Variants in TMCO5A observed in about 807,000 individuals in gnomAD.
TMCO5A encodes transmembrane and coiled-coil domain-containing protein 5A.
A neutral mutation model predicts 42.3 loss-of-function variants in TMCO5A; 34 were observed. The observed-to-expected ratio is 0.80, with a 90% CI of 0.61 to 1.07. TMCO5A has a LOEUF of 1.07. Ranked by LOEUF, TMCO5A falls within the 50% of genes least tolerant of loss-of-function variation. The pLI, the probability that TMCO5A is intolerant of heterozygous loss-of-function variation, is 0.00. For synonymous variants in TMCO5A, 131 were observed against 115.6 expected (o/e 1.13, Z -0.86); for missense variants, 357 against 327.9 (o/e 1.09, Z -0.69).
In TMCO5A at chr15:37,938,311, T is replaced by C. The variant is rs190618599; in HGVS notation, c.387+82T>C. On this transcript the variant is annotated intron_variant, in intron 6 of 11. Transcript: ENST00000319669. ...GTTAAGTTGGAAATCAATGTCAACG[T>C]TGTGACAAATTCTTGGTAGTTTTCC... 135 of 1,199,808 alleles carry C rather than the reference T, an allele frequency of 1.1e-4. No homozygotes were observed. The African/African-American group carries it at 1.6e-3, about 14-fold the overall frequency. The allele number at this position is 1,199,808 out of a possible 1,614,324, so 74.3% of individuals were successfully genotyped here.
At chr15:37,987,344 T>TTTTACTCTGTCAATTTACTTAA in the TMCO5A span, among the ~76,000 whole-genome samples, 25 of 152,124 alleles carry the variant, frequency 1.6e-4, no homozygotes, top group African/African-American at 6.0e-4. Flanking sequence ...TGGGTTGCCT[T>TTTTACTCTGTCAATTTACTTAA]TTTACTCTGT....
chr15:37,980,723 G>C, the TMCO5A span, among the ~76,000 whole-genome samples: 1 of 150,222 alleles, frequency 6.7e-6, no homozygotes, highest in African/African-American at 2.5e-5. Context: ...GTGGAACCTG[G>C]AAGTTTGTTC....
the TMCO5A span, among the ~76,000 whole-genome samples, chr15:38,012,461 A>C: frequency 6.6e-6 from 1 of 152,096 alleles, no homozygotes; most frequent in East Asian, 1.9e-4. Context: ...TGATATTCTC[A>C]GTGCTAGTTA....
At chr15:37,939,256 G>C (rs1889644137) in intron 6 of TMCO5A, among the ~76,000 whole-genome samples, 2 of 152,022 alleles carry the variant, frequency 1.3e-5, no homozygotes, top group South Asian at 4.1e-4. Flanking sequence ...GAAAATGAAA[G>C]TATGGAGAAT....
intron 11 of TMCO5A, among the ~76,000 whole-genome samples, chr15:37,949,942 A>G (rs1187217110): frequency 6.6e-6 from 1 of 152,172 alleles, no homozygotes; most frequent in Non-Finnish European, 1.5e-5. Context: ...TATATTTCCA[A>G]GGTAACTAAC....
chr15:38,017,748 G>C, the TMCO5A span, among the ~76,000 whole-genome samples: 50 of 152,174 alleles, frequency 3.3e-4, 1 homozygote, highest in Admixed American at 5.9e-4. Context: ...GAAAAGCAAG[G>C]AGGCCTGCAG....
chr15:37,947,289 C>T (rs1889999138), intron 10 of TMCO5A, among the ~76,000 whole-genome samples: 1 of 151,888 alleles, frequency 6.6e-6, no homozygotes, highest in African/African-American at 2.4e-5. Context: ...AGCCTATAAG[C>T]TTCTCTAAGG....
the TMCO5A span, among the ~76,000 whole-genome samples, chr15:37,988,889 TATG>T: frequency 6.6e-6 from 1 of 152,062 alleles, no homozygotes; most frequent in East Asian, 1.9e-4. Context: ...ATTCCTCCTG[TATG>T]ATATTTTTCA....
intron 6 of TMCO5A, 88 bp from the exon 7 acceptor site, chr15:37,941,061 A>C (rs1210440747): frequency 3.9e-6 from 5 of 1,292,380 alleles, no homozygotes; most frequent in Non-Finnish European, 4.5e-6. Flanking sequence ...GAGGCTCCTC[A>C]CAGCTCGTGA....
At chr15:38,038,563 G>A in the TMCO5A span, among the ~76,000 whole-genome samples, 33 of 151,826 alleles carry the variant, frequency 2.2e-4, no homozygotes, top group African/African-American at 5.6e-4. Flanking sequence ...CCACCACCAC[G>A]CCCGGCTAAT....
chr15:37,951,022 C>A lies in TMCO5A; in HGVS notation c.669-14C>A, dbSNP rs369697405. The A allele has an allele frequency of 2.9e-5, 46 of 1,608,818 alleles. No individual in the cohort carries two copies. The highest frequency in any genetic ancestry group is 3.4e-5 in the Non-Finnish European group (40 of 1,178,100). On this transcript the variant is annotated splice_polypyrimidine_tract_variant and intron_variant, in intron 11 of 11. Transcript: ENST00000319669. ...AAGCTTCTGGTTAACAGTTTCATGG[C>A]ATTCTCTTTTTAGGATTTTTTGCTG...
At chr15:38,033,715 C>G in the TMCO5A span, among the ~76,000 whole-genome samples, 1 of 152,122 alleles carries the variant, frequency 6.6e-6, no homozygotes. Flanking sequence ...CAACCTCTGC[C>G]TCTTGGGTCC....
the TMCO5A span, among the ~76,000 whole-genome samples, chr15:37,981,536 G>T: frequency 6.6e-6 from 1 of 152,168 alleles, no homozygotes; most frequent in South Asian, 2.1e-4. Context: ...AACCTTTCTA[G>T]CTGGGCACAG....
At chr15:37,989,418 C>G in the TMCO5A span, among the ~76,000 whole-genome samples, 7,112 of 151,912 alleles carry the variant, frequency 0.047, 550 homozygotes, top group African/African-American at 0.16. Flanking sequence ...AGATTTTTCT[C>G]AAATATAAAT....
the TMCO5A span, among the ~76,000 whole-genome samples, chr15:37,978,216 C>G: frequency 2.0e-5 from 3 of 152,228 alleles, no homozygotes; most frequent in Non-Finnish European, 2.9e-5. Flanking sequence ...ACAGGGAAGA[C>G]AGAATGAGCT....
intron 11 of TMCO5A, 129 bp downstream of exon 11, chr15:37,947,825 A>T (rs12148646): frequency 5.0e-5 from 18 of 360,210 alleles, no homozygotes; most frequent in Non-Finnish European, 5.9e-5. Context: ...CACACACACA[A>T]GTCAGCAAAC....
chr15:37,956,889 AC>A (rs1387702126), intron 11 of TMCO5A, among the ~76,000 whole-genome samples: 1 of 152,168 alleles, frequency 6.6e-6, no homozygotes, highest in African/African-American at 2.4e-5. Flanking sequence ...AAGCTTGTCC[AC>A]TACGATCAAG....
chr15:38,022,735 G>A, the TMCO5A span, among the ~76,000 whole-genome samples: 2 of 152,210 alleles, frequency 1.3e-5, no homozygotes, highest in South Asian at 4.2e-4. Context: ...TTGATAATGG[G>A]GGAGGTTATG....
At chr15:37,995,694 A>G in the TMCO5A span, among the ~76,000 whole-genome samples, 1 of 152,180 alleles carries the variant, frequency 6.6e-6, no homozygotes, top group Non-Finnish European at 1.5e-5. Flanking sequence ...CATGATCCTT[A>G]GGATCCCAGC....
Sources: allele counts gnomAD v4.1 joint callset (sites outside exome capture counted in the v4.1 genomes callset), GRCh38; gene constraint gnomAD v4.1.1; transcripts MANE v1.5; gene names NCBI Gene and HGNC (gene_info 2026-07-23, HGNC 2026-07-21).